CDKAL1: variants seen among roughly 807,000 people sequenced by gnomAD.
CDKAL1 encodes CDKAL1 threonylcarbamoyladenosine tRNA methylthiotransferase.
Under a neutral mutation model 68.2 loss-of-function variants are expected in CDKAL1, and 32 were observed. The observed-to-expected ratio is 0.47, with a 90% CI of 0.35 to 0.63. The LOEUF (loss-of-function observed/expected upper bound fraction) is 0.63. Ranked by LOEUF, CDKAL1 falls within the 30% of genes least tolerant of loss-of-function variation. CDKAL1 has a pLI of 0.00. For missense variants in CDKAL1, 606 were observed against 696.7 expected (o/e 0.87, Z 1.47); for synonymous variants, 234 against 244.3 (o/e 0.96, Z 0.39).
At chr6:20,548,787 G>A in intron 4 of CDKAL1, 82 bp downstream of exon 4, 1 of 631,696 alleles carries the variant, frequency 1.6e-6, no homozygotes, top group Non-Finnish European at 2.8e-6. Flanking sequence ...CAGTTAAAGG[G>A]TATTTTAGCA....
At chr6:21,009,279 A>G (rs1164149406) in intron 11 of CDKAL1, among the ~76,000 whole-genome samples, 1 of 152,214 alleles carries the variant, frequency 6.6e-6, no homozygotes. Flanking sequence ...TAGTTTTTGG[A>G]AACAATAGGG....
intron 9 of CDKAL1, among the ~76,000 whole-genome samples, chr6:20,953,877 G>A (rs1195241065): frequency 1.3e-5 from 2 of 152,130 alleles, no homozygotes; most frequent in Non-Finnish European, 2.9e-5. Flanking sequence ...ATTTTCAGAT[G>A]CTAAAAATAT....
At chr6:21,058,728 C>T (rs938081115) in intron 11 of CDKAL1, among the ~76,000 whole-genome samples, 3 of 152,218 alleles carry the variant, frequency 2.0e-5, no homozygotes, top group Admixed American at 6.5e-5. Flanking sequence ...ATACCCTCAC[C>T]TGGAGGTGTC....
intron 4 of CDKAL1, among the ~76,000 whole-genome samples, chr6:20,630,824 T>C (rs1224969358): frequency 1.3e-5 from 2 of 152,180 alleles, no homozygotes; most frequent in Non-Finnish European, 2.9e-5. Flanking sequence ...CAACATCTCT[T>C]TCTATTTCTG....
At chr6:20,931,349 T>C (rs1330091292) in intron 9 of CDKAL1, among the ~76,000 whole-genome samples, 1 of 152,174 alleles carries the variant, frequency 6.6e-6, no homozygotes, top group African/African-American at 2.4e-5. Context: ...TTTGCTGTCA[T>C]TGAATGGTAA....
rs11965417 is a variant in CDKAL1 at position 20,858,005 on chromosome 6, G to A, written c.742+11827G>A. On this transcript the variant is annotated intron_variant, in intron 9 of 15. Transcript: ENST00000274695. ...CTCTCGAGTAACTGGGATTACAGGC[G>A]CATGCCACGACCCTGGCTAATTTGT... 3.9e-3 allele frequency among the ~76,000 whole-genome samples: 588 copies of A among 152,210 alleles called. 2 individuals are homozygous for A. The highest frequency in any genetic ancestry group is 0.013 in the African/African-American group (560 of 41,536).
At chr6:21,054,343 C>T (rs146639711) in intron 11 of CDKAL1, among the ~76,000 whole-genome samples, 57 of 152,256 alleles carry the variant, frequency 3.7e-4, no homozygotes, top group African/African-American at 1.3e-3. Flanking sequence ...AACCATACTG[C>T]GTTGATTATT....
intron 8 of CDKAL1, among the ~76,000 whole-genome samples, chr6:20,781,888 G>A (rs1391146205): frequency 1.3e-5 from 2 of 152,132 alleles, no homozygotes; most frequent in African/African-American, 4.8e-5. Context: ...CTGAAAATTT[G>A]ATGAGATGAA....
Position 21,230,995 on chromosome 6 carries a change from C to T in CDKAL1, c.1696C>T (p.Leu566=). The change falls in exon 16 of 16, where the codon CTG becomes TTG. Residue 566 remains leucine (L), a synonymous_variant. Coordinates refer to ENST00000274695, the MANE Select transcript of CDKAL1 (RefSeq NM_017774.3). ...CALRMSVGLA[L]LGLLFAFFVK... ...GCTGAGGATGTCCGTGGGCTTGGCT[C>T]TGCTGGGTCTTCTTTTTGCTTTTTT... 3 of 1,611,186 alleles carry T rather than the reference C, an allele frequency of 1.9e-6. No individual in the cohort carries two copies. The highest frequency in any genetic ancestry group is 2.5e-6 in the Non-Finnish European group (3 of 1,177,892).
At chr6:20,756,881 TTCCTTCCTTCCTTCCTTCCTTCCTTC>T (rs1561750274) in intron 6 of CDKAL1, 1 of 82,378 alleles carries the variant, frequency 1.2e-5, no homozygotes, top group African/African-American at 4.6e-5. Flanking sequence ...CCTTCCTTCC[TTCCTTCCTTCCTTCCTTCCTTCCTTC>T]CTTCCTTCCT....
At chr6:21,000,558 T>C (rs1335962655) in intron 11 of CDKAL1, among the ~76,000 whole-genome samples, 186 bp downstream of exon 11, 1 of 152,194 alleles carries the variant, frequency 6.6e-6, no homozygotes, top group African/African-American at 2.4e-5. Context: ...TCAGTTTATA[T>C]CCACCTTCCA....
intron 9 of CDKAL1, among the ~76,000 whole-genome samples, chr6:20,894,072 G>T (rs1761547205): frequency 6.6e-6 from 1 of 152,128 alleles, no homozygotes; most frequent in Non-Finnish European, 1.5e-5. Context: ...TTTAATCAAA[G>T]ACAGAATGAA....
intron 4 of CDKAL1, among the ~76,000 whole-genome samples, chr6:20,551,111 CGCCTTG>C (rs1763804849): frequency 6.6e-6 from 1 of 151,792 alleles, no homozygotes; most frequent in South Asian, 2.1e-4. Context: ...GTGATCCACT[CGCCTTG>C]GCCTCCCAAA....
chr6:20,687,491 T>G (rs1408418361), intron 5 of CDKAL1, among the ~76,000 whole-genome samples: 1 of 151,366 alleles, frequency 6.6e-6, no homozygotes, highest in Non-Finnish European at 1.5e-5. Context: ...TAAAAAGTTA[T>G]TTTACTTTTA....
intron 4 of CDKAL1, among the ~76,000 whole-genome samples, chr6:20,622,614 C>T (rs1767244306): frequency 1.3e-5 from 2 of 151,980 alleles, no homozygotes; most frequent in South Asian, 4.2e-4. Context: ...TTGTTCTTTG[C>T]TTATTTTATT....
At chr6:20,686,416 C>G (rs545059949) in intron 5 of CDKAL1, among the ~76,000 whole-genome samples, 1 of 152,128 alleles carries the variant, frequency 6.6e-6, no homozygotes, top group Non-Finnish European at 1.5e-5. Flanking sequence ...CACAGGAGCA[C>G]GAACCCTATT....
chr6:20,935,952 G>C (rs899936976), intron 9 of CDKAL1, among the ~76,000 whole-genome samples: 2 of 152,100 alleles, frequency 1.3e-5, no homozygotes, highest in African/African-American at 4.8e-5. Flanking sequence ...TTTCCTCGGA[G>C]ACAAATGTTA....
intron 12 of CDKAL1, among the ~76,000 whole-genome samples, chr6:21,102,318 G>A (rs1449664086): frequency 6.6e-6 from 1 of 152,086 alleles, no homozygotes; most frequent in East Asian, 1.9e-4. Flanking sequence ...TGAATTTAAT[G>A]GGCCTAGCGT....
At chr6:20,645,415 G>A (rs1015597199) in intron 4 of CDKAL1, among the ~76,000 whole-genome samples, 2 of 151,946 alleles carry the variant, frequency 1.3e-5, no homozygotes, top group South Asian at 2.1e-4. Flanking sequence ...TTTCCTTATT[G>A]TTTAAGTGTT....
Sources: gnomAD v4.1 joint callset for allele counts (sites outside exome capture counted in the v4.1 genomes callset) on GRCh38, gnomAD v4.1.1 for gene constraint, MANE v1.5 for transcripts, NCBI Gene and HGNC (gene_info 2026-07-23, HGNC 2026-07-21) for gene names.